SOBP: variants seen among roughly 807,000 people sequenced by gnomAD.
The protein encoded by SOBP is sine oculis-binding protein homolog.
SOBP carries 4 observed loss-of-function variants against 53.6 expected under a neutral mutation model. That is an observed-to-expected ratio of 0.07 (90% CI 0.04 to 0.17). The LOEUF (loss-of-function observed/expected upper bound fraction) is 0.17. Ranked by LOEUF, SOBP falls within the 10% of genes least tolerant of loss-of-function variation. The pLI is 1.00. For synonymous variants in SOBP, 584 were observed against 522.6 expected (o/e 1.12, Z -1.60); for missense variants, 1,088 against 1,204.7 (o/e 0.90, Z 1.43).
At chr6:107,602,296 A>G (rs1786209007) in intron 5 of SOBP, among the ~76,000 whole-genome samples, 1 of 152,118 alleles carries the variant, frequency 6.6e-6, no homozygotes, top group South Asian at 2.1e-4. Flanking sequence ...GAGAACTGTT[A>G]AAGTGTTTCA....
intron 4 of SOBP, among the ~76,000 whole-genome samples, chr6:107,576,139 T>C (rs188436708): frequency 8.1e-4 from 124 of 152,306 alleles, no homozygotes; most frequent in African/African-American, 2.9e-3. Flanking sequence ...TGGATCATAA[T>C]TGGAGCTGTC....
At chr6:107,527,765 C>G (rs1783705721) in intron 3 of SOBP, among the ~76,000 whole-genome samples, 1 of 152,186 alleles carries the variant, frequency 6.6e-6, no homozygotes, top group Non-Finnish European at 1.5e-5. Context: ...CTTAGATTTG[C>G]AAAGCAATGT....
intron 3 of SOBP, among the ~76,000 whole-genome samples, chr6:107,525,360 A>G (rs1488358892): frequency 1.3e-5 from 2 of 152,238 alleles, no homozygotes; most frequent in Admixed American, 1.3e-4. Flanking sequence ...TAGTAGTGTC[A>G]TGTTAAAGAA....
intron 3 of SOBP, among the ~76,000 whole-genome samples, chr6:107,516,249 G>A (rs1005727046): frequency 1.1e-4 from 16 of 152,108 alleles, no homozygotes; most frequent in African/African-American, 2.4e-4. Context: ...ATCACTTGAC[G>A]ACAGGAGTTC....
intron 5 of SOBP, among the ~76,000 whole-genome samples, chr6:107,622,027 A>G (rs542080121): frequency 1.3e-5 from 2 of 152,348 alleles, no homozygotes; most frequent in Admixed American, 6.5e-5. Context: ...AATAAAGGGT[A>G]AGTAAGAGTA....
At chr6:107,642,619 C>T (rs559352834) in intron 6 of SOBP, among the ~76,000 whole-genome samples, 2 of 152,282 alleles carry the variant, frequency 1.3e-5, no homozygotes, top group African/African-American at 4.8e-5. Flanking sequence ...GGGGTCAGGG[C>T]TGGGGCAAAT....
At position 107,634,914 on chromosome 6, in the gene SOBP, C is replaced by T; in HGVS notation, c.2070C>T (p.Cys690=). 2 of 1,227,912 alleles carry T rather than the reference C, an allele frequency of 1.6e-6. No individual in the cohort carries two copies. The highest frequency in any genetic ancestry group is 1.0e-6 in the Non-Finnish European group (1 of 976,366). 76.1% of individuals were successfully genotyped at this position (1,227,912 alleles called of 1,614,324 possible). The change falls in exon 6 of 7, where the codon TGC becomes TGT. Residue 690 remains cysteine (C), a synonymous_variant. Coordinates refer to ENST00000317357, the MANE Select transcript of SOBP (RefSeq NM_018013.4). This position sits in a 1 kb window ranked among gnomAD's most constrained non-coding sequence, Gnocchi z 4.5. ...REPSAAERRT[C]GGCRDGHCSP... Reference sequence around the variant, plus strand: ...CGAGCGCCGCGGAGCGCAGGACCTGCGGCGGCTGCAGGGACGGCCACTGCA... The same window carrying T: ...CGAGCGCCGCGGAGCGCAGGACCTGTGGCGGCTGCAGGGACGGCCACTGCA...
At chr6:107,533,304 A>T (rs1324774262) in intron 3 of SOBP, among the ~76,000 whole-genome samples, 155 bp from the exon 4 acceptor site, 1 of 143,230 alleles carries the variant, frequency 7.0e-6, no homozygotes, top group Non-Finnish European at 1.5e-5. Context: ...AAAGAGAGAG[A>T]GAAAGAGAGA....
chr6:107,491,281 G>T (rs1224998203), intron 1 of SOBP, among the ~76,000 whole-genome samples: 2 of 152,056 alleles, frequency 1.3e-5, no homozygotes, highest in African/African-American at 4.8e-5. Flanking sequence ...CTCCTCGCCC[G>T]CCCCCGCCCG....
chr6:107,636,947 A>C (rs1213586853), intron 6 of SOBP, among the ~76,000 whole-genome samples: 2 of 152,194 alleles, frequency 1.3e-5, no homozygotes, highest in South Asian at 4.1e-4. Context: ...CAGAGTTGAG[A>C]TGCAAATCCA....
intron 4 of SOBP, among the ~76,000 whole-genome samples, chr6:107,573,020 G>A (rs569729814): frequency 2.0e-5 from 3 of 152,326 alleles, no homozygotes; most frequent in East Asian, 1.9e-4. Context: ...TTTGTTGACC[G>A]AGATGCTGCT....
chr6:107,653,613 G>T (rs2114254493), intron 6 of SOBP, among the ~76,000 whole-genome samples: 1 of 152,322 alleles, frequency 6.6e-6, no homozygotes, highest in East Asian at 1.9e-4. Context: ...CCTTCTAAAT[G>T]AGGAAGACAG....
chr6:107,601,133 A>G (rs1786164145), intron 5 of SOBP, among the ~76,000 whole-genome samples: 1 of 152,206 alleles, frequency 6.6e-6, no homozygotes, highest in African/African-American at 2.4e-5. Context: ...GGGAGTTGTC[A>G]GGAATGTCTG....
chr6:107,600,297 G>C (rs1051609412), intron 5 of SOBP, among the ~76,000 whole-genome samples: 1 of 152,144 alleles, frequency 6.6e-6, no homozygotes, highest in Admixed American at 6.5e-5. Flanking sequence ...TACGTGCCGC[G>C]CCTGGTCAAG....
chr6:107,506,095 A>G (rs1051559313), intron 2 of SOBP, 147 bp from the exon 3 acceptor site: 1 of 698,942 alleles, frequency 1.4e-6, no homozygotes. Context: ...TCCTGGATGA[A>G]CTGTGGAGTT....
At chr6:107,493,034 C>T (rs969804496) in intron 1 of SOBP, among the ~76,000 whole-genome samples, 2 of 152,112 alleles carry the variant, frequency 1.3e-5, no homozygotes, top group Non-Finnish European at 2.9e-5. Context: ...TTTTGAGCTC[C>T]TTAATATCTT....
At chr6:107,510,494 C>T (rs923481594) in intron 3 of SOBP, 4 of 152,170 alleles carry the variant, frequency 2.6e-5, no homozygotes, top group Non-Finnish European at 5.9e-5. Context: ...TCTTATTGCA[C>T]ATATATAAGC....
rs148133710 is a variant in SOBP at position 107,641,783 on chromosome 6, G to A, written c.*3+6314G>A. 2.1e-3 allele frequency among the ~76,000 whole-genome samples: 324 copies of A among 152,252 alleles called. 2 individuals carry two copies. The highest frequency in any genetic ancestry group is 3.8e-3 in the Non-Finnish European group (261 of 68,016). ...TTCATGCAGACAAGTGCTGCAGAGG[G>A]GCAGAGATGTCTGAGGACCAAAATA... On this transcript the variant is annotated intron_variant, in intron 6 of 6. Transcript: ENST00000317357.
intron 5 of SOBP, among the ~76,000 whole-genome samples, chr6:107,617,472 T>A (rs1786835518): frequency 6.6e-6 from 1 of 152,198 alleles, no homozygotes; most frequent in African/African-American, 2.4e-5. Flanking sequence ...CTGTTGGTGA[T>A]CATCAAAGAT....
Sources: gnomAD v4.1 joint callset for allele counts (sites outside exome capture counted in the v4.1 genomes callset) on GRCh38, gnomAD v4.1.1 for gene constraint, Gnocchi (gnomAD v3.1) non-coding constraint, MANE v1.5 for transcripts, NCBI Gene and HGNC (gene_info 2026-07-23, HGNC 2026-07-21) for gene names.